The following RIC3 variants were observed in gnomAD, a reference collection of about 807,000 sequenced individuals.
RIC3 encodes RIC3 acetylcholine receptor chaperone.
RIC3 carries 28 observed loss-of-function variants against 27.3 expected under a neutral mutation model. The ratio of observed to expected loss-of-function variants is 1.02; its 90% confidence interval spans 0.76 to 1.41. RIC3 has a LOEUF of 1.41. RIC3 is among the 40% of genes most tolerant of loss of function. The probability of loss-of-function intolerance (pLI) is 0.00; values close to 1 mark genes in which losing one functional copy is unlikely to be tolerated. For missense variants in RIC3, 501 were observed against 444.7 expected, an observed-to-expected ratio of 1.13 and a Z score of -1.14; for synonymous variants, 184 against 160.4, an observed-to-expected ratio of 1.15 and a Z score of -1.11.
chr11:8,167,446 A>G (rs1255281631), intron 1 of RIC3, among the ~76,000 whole-genome samples: 1 of 152,108 alleles, frequency 6.6e-6, no homozygotes, highest in East Asian at 1.9e-4. Context: ...CTGAGGGAAA[A>G]GCACAGCACT....
chr11:8,125,983 G>A (rs1258988965), intron 5 of RIC3, among the ~76,000 whole-genome samples: 6 of 152,262 alleles, frequency 3.9e-5, no homozygotes, highest in South Asian at 2.1e-4. Flanking sequence ...AGGTTGCAGC[G>A]AGCTGAGATT....
rs1948908622 is a variant in RIC3, at chr11:8,140,315, C to G, written c.125-122G>C. 2.3e-5 allele frequency: 20 copies of G among 868,658 alleles called. No individual in the cohort carries two copies. The South Asian group carries it at 3.3e-4, about 14-fold the overall frequency. 53.8% of individuals were successfully genotyped at this position (868,658 alleles called of 1,614,324 possible). On this transcript the variant is annotated intron_variant, in intron 1 of 5. Transcript: ENST00000309737. The stretch of plus-strand genomic sequence containing the variant: ...AACAAGTAGAAGAAAAAAATGGCAA[C>G]TTAATTAAAAGGATACAGAGGTATC...
chr11:8,113,354 A>T (rs953416068), intron 5 of RIC3, among the ~76,000 whole-genome samples: 2 of 152,160 alleles, frequency 1.3e-5, no homozygotes, highest in African/African-American at 4.8e-5. Context: ...ACCAGGCCTC[A>T]GTCCAGCTCT....
intron 5 of RIC3, among the ~76,000 whole-genome samples, chr11:8,117,764 C>T (rs1422553761): frequency 6.6e-6 from 1 of 152,036 alleles, no homozygotes; most frequent in Non-Finnish European, 1.5e-5. Flanking sequence ...TTAGCCATTT[C>T]ACAGTGTATA....
At chr11:8,103,141 CGGTCTA>C (rs1314123875), downstream of RIC3, 1 of 152,228 alleles carries the variant, frequency 6.6e-6, no homozygotes, top group Admixed American at 6.5e-5. Context: ...GCACACTTCT[CGGTCTA>C]GGTGGGAGAG....
In RIC3 at chr11:8,155,568, C is replaced by T. The variant is rs1257048383; in HGVS notation, c.124+13298G>A. Among the ~76,000 whole-genome samples, 3 of 151,040 alleles carry T rather than the reference C, an allele frequency of 2.0e-5. No individual in the cohort carries two copies. In the South Asian group the frequency reaches 6.3e-4, roughly 31 times the overall value. On this transcript the variant is annotated intron_variant, in intron 1 of 5. Coordinates refer to ENST00000309737, the MANE Select transcript of RIC3 (RefSeq NM_001206671.4). ...TCCAGCGTAGGTGACAGTGAGACTC[C>T]GTTTCAAAAAAAAAGAAAAGAAAAT...
Position 8,168,973 on chromosome 11 carries a change from A to G in RIC3, c.17T>C (p.Val6Ala), listed in dbSNP as rs1394594021. The change falls in exon 1 of 6, where the codon GTG becomes GCG. Residue 6 changes from valine (V) to alanine (A), a missense_variant. Coordinates refer to ENST00000309737, the MANE Select transcript of RIC3 (RefSeq NM_001206671.4). Reference sequence around the variant, plus strand: ...CCCAGAAGCCAGAGCGACTCTCTGCACTGTGGAGTACGCCATGACTGCTCA... The same window carrying G: ...CCCAGAAGCCAGAGCGACTCTCTGCGCTGTGGAGTACGCCATGACTGCTCA... MAYST[V>A]QRVALASGLV... 1 of 1,600,520 alleles carries G rather than the reference A, an allele frequency of 6.2e-7. No individual in the cohort carries two copies. Among genetic ancestry groups the G allele is most frequent in the Admixed American group, 1.7e-5 (1 of 57,978 alleles).
chr11:8,120,068 AG>A (rs1253202198), intron 5 of RIC3, among the ~76,000 whole-genome samples: 1 of 152,252 alleles, frequency 6.6e-6, no homozygotes, highest in Non-Finnish European at 1.5e-5. Context: ...GTGGAGAAAT[AG>A]GAAGGCTTTT....
downstream of RIC3, chr11:8,104,099 C>G (rs1944418704): frequency 6.6e-6 from 1 of 152,168 alleles, no homozygotes; most frequent in Non-Finnish European, 1.5e-5. Flanking sequence ...GCCATGGGTG[C>G]ATGGACTCGT....
At chr11:8,093,829 T>A in the RIC3 span, among the ~76,000 whole-genome samples, 1 of 152,180 alleles carries the variant, frequency 6.6e-6, no homozygotes, top group Non-Finnish European at 1.5e-5. Flanking sequence ...TACACTGGGC[T>A]GGGGGTGCCG....
At chr11:8,146,110 G>A (rs1005430569) in intron 1 of RIC3, among the ~76,000 whole-genome samples, 1 of 152,220 alleles carries the variant, frequency 6.6e-6, no homozygotes, top group Non-Finnish European at 1.5e-5. Flanking sequence ...AATGTTTGCT[G>A]TGACAATAGT....
chr11:8,132,766 G>C (rs1947886298), intron 4 of RIC3, among the ~76,000 whole-genome samples: 1 of 152,178 alleles, frequency 6.6e-6, no homozygotes, highest in Non-Finnish European at 1.5e-5. Context: ...GGCTGTAAAT[G>C]AATGTATCTT....
intron 2 of RIC3, 85 bp from the exon 3 acceptor site, chr11:8,138,432 T>C: frequency 2.5e-6 from 2 of 791,040 alleles, no homozygotes; most frequent in Non-Finnish European, 2.0e-6. Context: ...AAAAAAAAGG[T>C]TGGGAAACAA....
intron 1 of RIC3, among the ~76,000 whole-genome samples, chr11:8,157,732 A>G (rs975448712): frequency 6.6e-6 from 1 of 152,146 alleles, no homozygotes; most frequent in Non-Finnish European, 1.5e-5. Context: ...TTGTAGGGCT[A>G]AAAATAGTTT....
At chr11:8,168,791 G>C in intron 1 of RIC3, 75 bp downstream of exon 1, 2 of 1,541,130 alleles carry the variant, frequency 1.3e-6, no homozygotes, top group Non-Finnish European at 1.7e-6. Flanking sequence ...GACTCTCAGA[G>C]TCACCCCTCC....
At chr11:8,098,850 G>A in the RIC3 span, 11 of 1,614,022 alleles carry the variant, frequency 6.8e-6, no homozygotes, top group South Asian at 1.1e-5. Context: ...GGAACCTTAC[G>A]TCAGGAGCTG....
At chr11:8,112,837 TTAAGA>T (rs558634227) in intron 5 of RIC3, among the ~76,000 whole-genome samples, 97 of 152,354 alleles carry the variant, frequency 6.4e-4, no homozygotes, top group African/African-American at 2.2e-3. Flanking sequence ...AGTATACAAG[TTAAGA>T]TTTCTTAATA....
At chr11:8,097,519 G>T in the RIC3 span, 6 of 1,524,772 alleles carry the variant, frequency 3.9e-6, no homozygotes, top group Non-Finnish European at 4.5e-6. Context: ...ATCTACCACT[G>T]ACCTCTCAGT....
chr11:8,168,848 G>C lies in RIC3; in HGVS notation c.124+18C>G, dbSNP rs1192760124. 1 of 1,608,720 alleles carries C rather than the reference G, an allele frequency of 6.2e-7. No homozygotes were observed. Among genetic ancestry groups the C allele is most frequent in the Non-Finnish European group, 8.5e-7 (1 of 1,177,066 alleles). ...TCTTCGGCGCCGGGAAGCTCAGAGG[G>C]AGCTGGCCTGCTCTTACCTTCAGGT... is the stretch of plus-strand genomic sequence containing the variant. On this transcript the variant is annotated intron_variant, in intron 1 of 5. Coordinates refer to ENST00000309737, the MANE Select transcript of RIC3 (RefSeq NM_001206671.4).
Sources: gnomAD v4.1 joint callset for allele counts (sites outside exome capture counted in the v4.1 genomes callset) on GRCh38, gnomAD v4.1.1 for gene constraint, MANE v1.5 for transcripts, NCBI Gene and HGNC (gene_info 2026-07-23, HGNC 2026-07-21) for gene names.